Variants in C6orf89 observed in about 807,000 individuals in gnomAD.
C6orf89 encodes the protein chromosome 6 open reading frame 89, also known as bombesin receptor-activated protein C6orf89.
Under a neutral mutation model 40.7 loss-of-function variants are expected in C6orf89, and 29 were observed. The ratio of observed to expected loss-of-function variants is 0.71; its 90% confidence interval spans 0.53 to 0.97. The LOEUF (loss-of-function observed/expected upper bound fraction) is 0.97. Ranked by LOEUF, C6orf89 falls within the 50% of genes least tolerant of loss-of-function variation. The pLI is 0.00. For missense variants in C6orf89, 392 were observed against 429.1 expected (o/e 0.91, Z 0.76); for synonymous variants, 165 against 152.2 (o/e 1.08, Z -0.62).
rs148472906 is a variant in C6orf89, at chr6:36,906,550, A to G, written c.403+4116A>G. ...AATAAATTTTCACATTTAGAAACAA[A>G]TTTTTGTACAAGTGAGAACTCATGA... On this transcript the variant is annotated intron_variant, in intron 4 of 8. Coordinates refer to ENST00000480824, the MANE Select transcript of C6orf89 (RefSeq NM_001286635.2). 2.8e-3 allele frequency among the ~76,000 whole-genome samples: 421 copies of G among 152,232 alleles called. 10 individuals carry two copies. In the East Asian group the frequency reaches 0.066, roughly 24 times the overall value.
intron 4 of C6orf89, among the ~76,000 whole-genome samples, chr6:36,904,217 C>G (rs1343202250): frequency 6.6e-6 from 1 of 152,166 alleles, no homozygotes; most frequent in African/African-American, 2.4e-5. Context: ...AATGGGGCAT[C>G]GTCAATGAAC....
chr6:36,890,447 G>T (rs142341222), intron 1 of C6orf89, among the ~76,000 whole-genome samples: 278 of 152,030 alleles, frequency 1.8e-3, no homozygotes, highest in African/African-American at 5.6e-3. Context: ...TGTCCTCCAG[G>T]TCCATCCGTA....
At chr6:36,889,801 A>G (rs375429639) in intron 1 of C6orf89, among the ~76,000 whole-genome samples, 11 of 152,350 alleles carry the variant, frequency 7.2e-5, no homozygotes, top group East Asian at 5.8e-4. Context: ...GGGTATGGCA[A>G]TAATGCCAAT....
upstream of C6orf89, among the ~76,000 whole-genome samples, chr6:36,882,723 TTTTC>T (rs1477175793): frequency 2.9e-5 from 2 of 68,964 alleles, no homozygotes; most frequent in African/African-American, 4.1e-5. Context: ...CTTTTTTTTT[TTTTC>T]TTTTTTCTTT....
chr6:36,874,775 C>T (rs1246081061), intron 1 of C6orf89: 7 of 1,614,082 alleles, frequency 4.3e-6, no homozygotes, highest in East Asian at 2.2e-5. Flanking sequence ...GCCGCCATAG[C>T]GAAGCCGGCG....
intron 2 of C6orf89, among the ~76,000 whole-genome samples, chr6:36,898,498 T>G (rs1761535486): frequency 6.6e-6 from 1 of 151,752 alleles, no homozygotes; most frequent in South Asian, 2.1e-4. Context: ...AGGCTGGTCT[T>G]AAACGCCGGA....
intron 2 of C6orf89, among the ~76,000 whole-genome samples, chr6:36,895,350 G>A (rs993203509): frequency 6.6e-6 from 1 of 152,126 alleles, no homozygotes; most frequent in Non-Finnish European, 1.5e-5. Flanking sequence ...GTTATTGTTA[G>A]TATGGCTCTT....
intron 1 of C6orf89, among the ~76,000 whole-genome samples, chr6:36,891,094 A>G (rs1761193871): frequency 1.3e-5 from 2 of 152,088 alleles, no homozygotes; most frequent in African/African-American, 2.4e-5. Context: ...TGCTGCACCT[A>G]TTAACTCGTC....
intron 2 of C6orf89, among the ~76,000 whole-genome samples, chr6:36,897,129 CAAAAAAAAAAAAAA>C (rs34191608): frequency 3.5e-5 from 3 of 85,366 alleles, no homozygotes; most frequent in East Asian, 6.6e-4. Flanking sequence ...GACTCTGTCT[CAAAAAAAAAAAAAA>C]AAAAAAAAGA....
At chr6:36,874,848 G>T in intron 1 of C6orf89, 2 of 1,507,974 alleles carry the variant, frequency 1.3e-6, no homozygotes, top group Non-Finnish European at 1.8e-6. Context: ...CGTCGCTGCT[G>T]CACACTTCCG....
chr6:36,903,746 A>C (rs576272789), intron 4 of C6orf89, among the ~76,000 whole-genome samples: 1 of 152,296 alleles, frequency 6.6e-6, no homozygotes, highest in African/African-American at 2.4e-5. Flanking sequence ...CTCCATCGAA[A>C]GCTATTTTTG....
upstream of C6orf89, among the ~76,000 whole-genome samples, chr6:36,885,194 CAAT>C (rs1320688935): frequency 6.6e-6 from 1 of 152,180 alleles, no homozygotes; most frequent in African/African-American, 2.4e-5. Flanking sequence ...ACACCTGTAA[CAAT>C]AACTGAGTGG....
In C6orf89 at chr6:36,923,425, C is replaced by T. The variant is rs954362698; in HGVS notation, c.1028C>T (p.Ala343Val). ...VQPLVICDGT[A>V]FSEL is the part of the protein sequence containing the mutation. ...CCTTTGGTCATCTGCGATGGAACCG[C>T]TTTCTCAGAACTGTAGGAAATAGAA... The change falls in exon 9 of 9, where the codon GCT (alanine) becomes GTT (valine). Residue 343 changes from alanine to valine, a missense_variant. Transcript: ENST00000480824. 1.9e-6 allele frequency: 3 copies of T among 1,613,562 alleles called. No homozygotes were observed. The highest frequency in any genetic ancestry group is 1.7e-5 in the Admixed American group (1 of 60,008).
Position 36,894,561 on chromosome 6 carries a change from A to ATT in C6orf89, c.-62_-61insTT. ...AGCCGCTCAGTTGTGATCAAGGGAC[A>ATT]CGTGGTTTCCGAACTGCCAGCTCAG... On this transcript the variant is annotated 5_prime_UTR_variant, in exon 2 of 9. An upstream open reading frame in the 5' UTR loses its in-frame stop. Transcript: ENST00000480824. 1.0e-6 allele frequency: 1 copy of ATT among 985,438 alleles called. No homozygotes were observed. The highest frequency in any genetic ancestry group is 4.7e-5 in the South Asian group (1 of 21,294). 61.0% of individuals were successfully genotyped at this position (985,438 alleles called of 1,614,324 possible).
chr6:36,892,193 CT>C (rs1561859756), intron 1 of C6orf89, among the ~76,000 whole-genome samples: 2 of 152,180 alleles, frequency 1.3e-5, no homozygotes, highest in African/African-American at 4.8e-5. Flanking sequence ...AACTCCCTGG[CT>C]TACCTCCGAC....
chr6:36,918,982 T>C (rs2150715007), intron 7 of C6orf89, among the ~76,000 whole-genome samples: 1 of 152,238 alleles, frequency 6.6e-6, no homozygotes, highest in East Asian at 1.9e-4. Flanking sequence ...GCATGGCATA[T>C]CTGCTCCCCT....
chr6:36,899,369 A>G, intron 2 of C6orf89, 57 bp from the exon 3 acceptor site: 1 of 1,524,314 alleles, frequency 6.6e-7, no homozygotes. Flanking sequence ...TTTGAAGAGG[A>G]AGTACCTAAA....
chr6:36,872,506 T>C (rs755586866), intron 1 of C6orf89, among the ~76,000 whole-genome samples: 52 of 152,154 alleles, frequency 3.4e-4, no homozygotes, highest in Non-Finnish European at 5.7e-4. Flanking sequence ...ATGAGTGCTT[T>C]TTCCTCACCA....
At position 36,924,896 on chromosome 6, in the gene C6orf89, C is replaced by G. The variant is rs556843766; in HGVS notation, c.*1455C>G. On this transcript the variant is annotated 3_prime_UTR_variant, in exon 9 of 9. Coordinates refer to ENST00000480824, the MANE Select transcript of C6orf89 (RefSeq NM_001286635.2). ...GCCTGCATCTCATCTCTCAGGCCCT[C>G]TTTCTCTGTGGGTCTCATGAACAGC... is the stretch of plus-strand genomic sequence containing the variant. 1 of 152,190 alleles carries G rather than the reference C, an allele frequency of 6.6e-6. No homozygotes were observed. Among genetic ancestry groups the G allele is most frequent in the East Asian group, 1.9e-4 (1 of 5,196 alleles). The allele number at this position is 152,190 out of a possible 1,614,324, so 9.4% of individuals were successfully genotyped here. A position where few individuals can be genotyped will look rare whatever the true frequency, so the allele number is the denominator to read the frequency against.
Sources: allele counts gnomAD v4.1 joint callset (sites outside exome capture counted in the v4.1 genomes callset), GRCh38; gene constraint gnomAD v4.1.1; transcripts MANE v1.5; gene names NCBI Gene and HGNC (gene_info 2026-07-23, HGNC 2026-07-21).